The following FMN1 variants were observed in gnomAD, a reference collection of about 807,000 sequenced individuals.
FMN1 encodes the protein formin 1.
FMN1 carries 110 observed loss-of-function variants against 132.4 expected under a neutral mutation model. That is an observed-to-expected ratio of 0.83 (90% CI 0.71 to 0.97). The LOEUF is 0.97. Among genes scored for constraint, FMN1 ranks in the 50% least tolerant of loss-of-function variants. FMN1 has a pLI of 0.00. For synonymous variants in FMN1, 722 were observed against 651.7 expected, an observed-to-expected ratio of 1.11 and a Z score of -1.64; for missense variants, 1,792 against 1,705.3, an observed-to-expected ratio of 1.05 and a Z score of -0.90.
rs546774935 is a variant in FMN1, at chr15:33,044,672, G to T, written c.2161+20285C>A. Among the ~76,000 whole-genome samples the T allele has an allele frequency of 1.4e-4, 22 of 152,208 alleles. No individual in the cohort carries two copies. The South Asian group carries it at 4.4e-3, about 30-fold the overall frequency. ...CTGCAGAGAGGAGCTACCCACCCCA[G>T]GGTCACCTCTCTACTGAGAGCTGAA... On this transcript the variant is annotated intron_variant, in intron 6 of 20. Coordinates refer to ENST00000616417, the MANE Select transcript of FMN1 (RefSeq NM_001277313.2).
At chr15:32,836,146 C>T (rs921776281) in intron 17 of FMN1, among the ~76,000 whole-genome samples, 4 of 152,064 alleles carry the variant, frequency 2.6e-5, no homozygotes, top group South Asian at 2.1e-4. Flanking sequence ...CAGGTGTGAG[C>T]GACTGCTCAC....
At chr15:32,950,153 A>C (rs1234965298) in intron 9 of FMN1, among the ~76,000 whole-genome samples, 1 of 146,462 alleles carries the variant, frequency 6.8e-6, no homozygotes. Flanking sequence ...ATCTTACACC[A>C]GTCAGAATGG....
chr15:33,007,527 C>CT (rs1415640436), intron 7 of FMN1, among the ~76,000 whole-genome samples: 4 of 152,110 alleles, frequency 2.6e-5, no homozygotes, highest in African/African-American at 9.7e-5. Flanking sequence ...TTTCCCAGCA[C>CT]TCTCTGAGGA....
intron 4 of FMN1, among the ~76,000 whole-genome samples, chr15:33,096,997 G>A (rs2039109503): frequency 6.6e-6 from 1 of 151,896 alleles, no homozygotes; most frequent in South Asian, 2.1e-4. Context: ...AATCACCTCA[G>A]TAGAAAGCAT....
At chr15:32,962,381 TA>T (rs1287051681) in intron 9 of FMN1, among the ~76,000 whole-genome samples, 2 of 151,838 alleles carry the variant, frequency 1.3e-5, no homozygotes, top group African/African-American at 4.8e-5. Context: ...CCTAAAACCA[TA>T]AAAACCCTAG....
chr15:32,961,019 A>AG (rs1179153027), intron 9 of FMN1, among the ~76,000 whole-genome samples: 1 of 136,748 alleles, frequency 7.3e-6, no homozygotes, highest in African/African-American at 2.6e-5. Context: ...AAAAAAAAAA[A>AG]GGCAGGGTTG....
intron 5 of FMN1, among the ~76,000 whole-genome samples, chr15:33,081,347 G>T (rs2038450055): frequency 6.6e-6 from 1 of 152,112 alleles, no homozygotes; most frequent in African/African-American, 2.4e-5. Flanking sequence ...GTATTTTGGG[G>T]TACGTGTGAT....
At chr15:32,835,026 T>C (rs573993090) in intron 17 of FMN1, among the ~76,000 whole-genome samples, 96 of 152,316 alleles carry the variant, frequency 6.3e-4, no homozygotes, top group African/African-American at 2.2e-3. Context: ...TCACCTTTGT[T>C]AGAGTTTGTG....
At chr15:32,781,675 C>T (rs1305588230) in intron 19 of FMN1, among the ~76,000 whole-genome samples, 1 of 152,148 alleles carries the variant, frequency 6.6e-6, no homozygotes, top group Non-Finnish European at 1.5e-5. Flanking sequence ...ACTTATCTTA[C>T]CTTTTCAGAC....
chr15:32,820,835 G>A (rs2058192572), intron 17 of FMN1, among the ~76,000 whole-genome samples: 1 of 151,974 alleles, frequency 6.6e-6, no homozygotes, highest in African/African-American at 2.4e-5. Context: ...CCATGCTTTT[G>A]CTTGTCTATT....
At chr15:33,012,046 C>G (rs573448906) in intron 6 of FMN1, 310 of 307,784 alleles carry the variant, frequency 1.0e-3, no homozygotes, top group African/African-American at 6.4e-3. Flanking sequence ...ACATAAGTAA[C>G]AAAACTATGA....
intron 9 of FMN1, among the ~76,000 whole-genome samples, chr15:32,936,652 G>GT (rs1189246667): frequency 6.6e-6 from 1 of 151,832 alleles, no homozygotes; most frequent in African/African-American, 2.4e-5. Flanking sequence ...AGGAGGGGGA[G>GT]TGGGAGGAAG....
At position 32,961,354 on chromosome 15, in the gene FMN1, G is replaced by A. The variant is rs574308658; in HGVS notation, c.3138+2753C>T. Among the ~76,000 whole-genome samples, 8 of 152,006 alleles carry A rather than the reference G, an allele frequency of 5.3e-5. No homozygotes were observed. In the South Asian group the frequency reaches 6.2e-4, roughly 12 times the overall value. ...TCCCGAAATTGGCCAGGCTGGTGTC[G>A]AACTCCTGACCTCAGCTGATTCACC... On this transcript the variant is annotated intron_variant, in intron 9 of 20. Coordinates refer to ENST00000616417, the MANE Select transcript of FMN1 (RefSeq NM_001277313.2).
At chr15:33,051,717 A>G (rs892852843) in intron 6 of FMN1, among the ~76,000 whole-genome samples, 1 of 152,194 alleles carries the variant, frequency 6.6e-6, no homozygotes, top group African/African-American at 2.4e-5. Flanking sequence ...TCAAGTGAGC[A>G]CGTGTACAAC....
At chr15:33,068,031 G>T in intron 5 of FMN1, 2 of 1,439,092 alleles carry the variant, frequency 1.4e-6, no homozygotes, top group South Asian at 3.0e-5. Context: ...AAACACACTT[G>T]GTCTCTTTCG....
At chr15:32,984,108 A>G (rs892141735) in intron 7 of FMN1, among the ~76,000 whole-genome samples, 1 of 152,106 alleles carries the variant, frequency 6.6e-6, no homozygotes, top group African/African-American at 2.4e-5. Context: ...TTTCATCCAT[A>G]AATGCTTCCA....
At chr15:33,147,087 C>T (rs113606819) in intron 4 of FMN1, among the ~76,000 whole-genome samples, 6,254 of 151,578 alleles carry the variant, frequency 0.041, 440 homozygotes, top group African/African-American at 0.15. Flanking sequence ...ATTCCTTGAA[C>T]CTGGGAGGCG....
intron 12 of FMN1, 34 bp downstream of exon 12, chr15:32,908,456 T>C (rs749641754): frequency 1.4e-6 from 2 of 1,421,968 alleles, no homozygotes; most frequent in Non-Finnish European, 9.9e-7. Context: ...CAGTTCTCCT[T>C]TTGGCCTAAC....
In FMN1 at chr15:33,019,387, C is replaced by A. The variant is rs138058400; in HGVS notation, c.2162-11312G>T. Among the ~76,000 whole-genome samples, 59 of 152,310 alleles carry A rather than the reference C, an allele frequency of 3.9e-4. No homozygotes were observed. In the East Asian group the frequency reaches 0.011, roughly 28 times the overall value. Reference sequence around the variant, plus strand: ...CCCTTAGCCAGACATAAAGATTCTCCAAGACCCCACCAGACTCAGGAGCCC... The same window carrying A: ...CCCTTAGCCAGACATAAAGATTCTCAAAGACCCCACCAGACTCAGGAGCCC... On this transcript the variant is annotated intron_variant, in intron 6 of 20. Coordinates refer to ENST00000616417, the MANE Select transcript of FMN1 (RefSeq NM_001277313.2).
Sources: allele counts gnomAD v4.1 joint callset (sites outside exome capture counted in the v4.1 genomes callset), GRCh38; gene constraint gnomAD v4.1.1; transcripts MANE v1.5; gene names NCBI Gene and HGNC (gene_info 2026-07-23, HGNC 2026-07-21).